The following HHIP variants were observed in gnomAD, a reference collection of about 807,000 sequenced individuals.
HHIP encodes the protein hedgehog-interacting protein.
In HHIP, 12 loss-of-function variants were observed where a neutral mutation model predicts 74.0. The ratio of observed to expected loss-of-function variants is 0.16; its 90% CI spans 0.10 to 0.26. HHIP has a LOEUF of 0.26. Ranked by LOEUF, HHIP falls within the 10% of genes least tolerant of loss-of-function variation. HHIP has a pLI of 1.00. For synonymous variants in HHIP, 309 were observed against 311.6 expected, an observed-to-expected ratio of 0.99 and a Z score of 0.09; for missense variants, 788 against 845.0, an observed-to-expected ratio of 0.93 and a Z score of 0.84.
chr4:144,723,996 T>G (rs192106160), intron 11 of HHIP, among the ~76,000 whole-genome samples: 1 of 152,196 alleles, frequency 6.6e-6, no homozygotes, highest in Non-Finnish European at 1.5e-5. Context: ...TGGTGCACAA[T>G]ACCTTTTCAT....
rs1468632153 is a variant in HHIP, at chr4:144,743,816, T to A, written c.*5859T>A. The A allele has an allele frequency of 6.6e-6, 1 of 152,112 alleles. No individual in the cohort carries two copies. The highest frequency in any genetic ancestry group is 1.5e-5 in the Non-Finnish European group (1 of 67,980). 9.4% of individuals were successfully genotyped at this position (152,112 alleles called of 1,614,324 possible). ...TTTGTCTTTGCAGTTACAAACTAAT[T>A]CTTGTACATTTTCCTTTTCACTAAA... On this transcript the variant is annotated 3_prime_UTR_variant, in exon 13 of 13. Transcript: ENST00000296575.
intron 11 of HHIP, among the ~76,000 whole-genome samples, chr4:144,728,760 A>G (rs1281415412): frequency 2.0e-5 from 3 of 152,154 alleles, no homozygotes; most frequent in Admixed American, 6.6e-5. Flanking sequence ...TGAAGTCCCA[A>G]TGAGATCAAT....
chr4:144,668,339 G>C (rs184646769), intron 4 of HHIP, among the ~76,000 whole-genome samples: 1 of 151,126 alleles, frequency 6.6e-6, no homozygotes. Flanking sequence ...AAGCAGATCA[G>C]TAAAATGTGC....
In HHIP at chr4:144,738,545, G is replaced by A; in HGVS notation, c.*588G>A. On this transcript the variant is annotated 3_prime_UTR_variant, in exon 13 of 13. Coordinates refer to ENST00000296575, the MANE Select transcript of HHIP (RefSeq NM_022475.3). Reference sequence around the variant, plus strand: ...TACCTTTTTATTGGCTGAGAAATCTGGTTATTTCATCTTAATCTCAAGATT... The same window carrying A: ...TACCTTTTTATTGGCTGAGAAATCTAGTTATTTCATCTTAATCTCAAGATT... 1 of 898,524 alleles carries A rather than the reference G, an allele frequency of 1.1e-6. No homozygotes were observed. Among genetic ancestry groups the A allele is most frequent in the Non-Finnish European group, 1.3e-6 (1 of 750,806 alleles). The allele number at this position is 898,524 out of a possible 1,614,324, so 55.7% of individuals were successfully genotyped here.
chr4:144,734,903 T>C lies in HHIP; in HGVS notation c.1909+14T>C. 6.3e-7 allele frequency: 1 copy of C among 1,591,838 alleles called. No individual in the cohort carries two copies. The highest frequency in any genetic ancestry group is 8.6e-7 in the Non-Finnish European group (1 of 1,161,980). ...TCTGCAGAACTGGTTAGTATTTCTGTTTTCACCTGAAAAGGACTGGGGATG... is the reference window on the plus strand; with the variant it reads ...TCTGCAGAACTGGTTAGTATTTCTGCTTTCACCTGAAAAGGACTGGGGATG... On this transcript the variant is annotated intron_variant, in intron 12 of 12. Coordinates refer to ENST00000296575, the MANE Select transcript of HHIP (RefSeq NM_022475.3).
At chr4:144,695,968 C>T (rs529912826) in intron 4 of HHIP, among the ~76,000 whole-genome samples, 34 of 151,988 alleles carry the variant, frequency 2.2e-4, no homozygotes, top group South Asian at 6.2e-4. Flanking sequence ...ATAACGTGCA[C>T]GCATTCCTCA....
chr4:144,695,836 T>C (rs558498697), intron 4 of HHIP, among the ~76,000 whole-genome samples: 3 of 152,024 alleles, frequency 2.0e-5, no homozygotes. Context: ...CACAAATCTT[T>C]ATCAAAAGTA....
intron 2 of HHIP, among the ~76,000 whole-genome samples, chr4:144,656,522 G>T (rs934387481): frequency 6.6e-6 from 1 of 152,110 alleles, no homozygotes; most frequent in Non-Finnish European, 1.5e-5. Context: ...CCTTAAGATG[G>T]TATTGGTTAG....
At position 144,658,779 on chromosome 4, in the gene HHIP, A is replaced by G; in HGVS notation, c.473-11A>G. 2 of 1,605,092 alleles carry G rather than the reference A, an allele frequency of 1.2e-6. No individual in the cohort carries two copies. The highest frequency in any genetic ancestry group is 1.7e-6 in the Non-Finnish European group (2 of 1,175,524). On this transcript the variant is annotated splice_polypyrimidine_tract_variant and intron_variant, in intron 2 of 12. Coordinates refer to ENST00000296575, the MANE Select transcript of HHIP (RefSeq NM_022475.3). ...AGGTGCTTCTAATGAGTCTTTTTAT[A>G]TTTTTTAAAGGTTTCCTTCAAACAA... is the stretch of plus-strand genomic sequence containing the variant.
At chr4:144,737,743 C>T in intron 12 of HHIP, 21 bp from the exon 13 acceptor site, 1 of 1,574,320 alleles carries the variant, frequency 6.4e-7, no homozygotes, top group Non-Finnish European at 8.6e-7. Flanking sequence ...GTGTGATGTT[C>T]TTGCTCTTTT....
chr4:144,659,689 C>A lies in HHIP; in HGVS notation c.682C>A (p.Gln228Lys). 1 of 1,570,082 alleles carries A rather than the reference C, an allele frequency of 6.4e-7. No homozygotes were observed. The highest frequency in any genetic ancestry group is 8.6e-7 in the Non-Finnish European group (1 of 1,162,624). The change falls in exon 4 of 13, where the codon CAG becomes AAG. Residue 228 changes from glutamine (Q) to lysine (K), a missense_variant. By Grantham distance (53) the Gln-to-Lys change is moderately conservative. This residue lies in a region of HHIP where 373 missense variants were observed against 366.4 expected (regional missense o/e 1.02). Coordinates refer to ENST00000296575, the MANE Select transcript of HHIP (RefSeq NM_022475.3). ...TCAGGAGGTTGTGAGTGGGCTGCGG[C>A]AGCCCGTTGGTGCCCTGCATAGTGG... is the stretch of plus-strand genomic sequence containing the variant. The part of the protein sequence containing the change: ...CIQEVVSGLR[Q>K]PVGALHSGDG...
Position 144,738,152 on chromosome 4 carries a change from C to T in HHIP, c.*195C>T, listed in dbSNP as rs201797537. On this transcript the variant is annotated 3_prime_UTR_variant, in exon 13 of 13. Coordinates refer to ENST00000296575, the MANE Select transcript of HHIP (RefSeq NM_022475.3). ...TTGTTCACATATGCACATACACATA[C>T]TCATAACCCCTATATGCGTTGTTGC... 3 of 1,218,890 alleles carry T rather than the reference C, an allele frequency of 2.5e-6. No homozygotes were observed. The highest frequency in any genetic ancestry group is 1.6e-5 in the African/African-American group (1 of 64,430). The allele number at this position is 1,218,890 out of a possible 1,614,324, so 75.5% of individuals were successfully genotyped here. A position where few individuals can be genotyped will look rare whatever the true frequency, so the allele number is the denominator to read the frequency against.
intron 11 of HHIP, among the ~76,000 whole-genome samples, chr4:144,721,894 C>T (rs1340211139): frequency 6.7e-6 from 1 of 149,154 alleles, no homozygotes; most frequent in Non-Finnish European, 1.5e-5. Context: ...CAGAGCAAGA[C>T]TCTGTCTCAA....
chr4:144,665,602 C>T (rs980783336), intron 4 of HHIP, among the ~76,000 whole-genome samples: 2 of 151,990 alleles, frequency 1.3e-5, no homozygotes, highest in African/African-American at 4.8e-5. Flanking sequence ...GTGAAATAAC[C>T]TCAGTGTAAT....
At chr4:144,701,434 GT>G (rs1235388471) in intron 4 of HHIP, among the ~76,000 whole-genome samples, 7 of 147,168 alleles carry the variant, frequency 4.8e-5, no homozygotes, top group African/African-American at 1.8e-4. Flanking sequence ...TTTAATACTT[GT>G]TTTTTGACCA....
At chr4:144,715,917 G>C (rs1730434644) in intron 10 of HHIP, among the ~76,000 whole-genome samples, 1 of 152,084 alleles carries the variant, frequency 6.6e-6, no homozygotes, top group Admixed American at 6.5e-5. Context: ...GATGATCTGA[G>C]TGCAGATCTT....
rs1728455997 is a variant in HHIP at position 144,652,720 on chromosome 4, A to G, written c.395A>G (p.Glu132Gly). 1.2e-6 allele frequency: 2 copies of G among 1,613,084 alleles called. No individual in the cohort carries two copies. ...LFHSPEREVL[E>G]RDLVLPLLCK... Reference sequence around the variant, plus strand: ...CACTCACCTGAGAGAGAAGTCTTGGAAAGAGACCTAGTACTTCCTCTGCTC... The same window carrying G: ...CACTCACCTGAGAGAGAAGTCTTGGGAAGAGACCTAGTACTTCCTCTGCTC... Residue 132 changes from glutamate (E) to glycine (G), a missense_variant, in exon 2 of 13, where the codon GAA (glutamate) becomes GGA (glycine). By Grantham distance (98) the Glu-to-Gly change is moderately conservative (BLOSUM62 -2). This residue lies in a region of HHIP where 373 missense variants were observed against 366.4 expected (regional missense o/e 1.02). Transcript: ENST00000296575.
At chr4:144,733,640 G>A (rs1239899166) in intron 11 of HHIP, among the ~76,000 whole-genome samples, 1 of 152,092 alleles carries the variant, frequency 6.6e-6, no homozygotes, top group Admixed American at 6.5e-5. Context: ...TGGTACTTAA[G>A]GTGTCCATTT....
Position 144,745,216 on chromosome 4 carries a change from C to G in HHIP, c.*7259C>G, listed in dbSNP as rs1406267374. ...CATGCCTGAAATTTGGTTAGATTGG[C>G]TGTGTTTTGTGTCTTTTAACATGAT... On this transcript the variant is annotated 3_prime_UTR_variant, in exon 13 of 13. Transcript: ENST00000296575. 1 of 152,018 alleles carries G rather than the reference C, an allele frequency of 6.6e-6. No homozygotes were observed. The highest frequency in any genetic ancestry group is 1.5e-5 in the Non-Finnish European group (1 of 68,010). The allele number at this position is 152,018 out of a possible 1,614,324, so 9.4% of individuals were successfully genotyped here.
Sources: gnomAD v4.1 joint callset for allele counts (sites outside exome capture counted in the v4.1 genomes callset) on GRCh38, gnomAD v4.1.1 for gene constraint, gnomAD v4.1.1 regional missense constraint, MANE v1.5 for transcripts, NCBI Gene and HGNC (gene_info 2026-07-23, HGNC 2026-07-21) for gene names.